TEX9: variants seen among roughly 807,000 people sequenced by gnomAD.
TEX9 encodes testis-expressed protein 9.
A neutral mutation model predicts 59.6 loss-of-function variants in TEX9; 74 were observed. The ratio of observed to expected loss-of-function variants is 1.24; its 90% CI spans 1.03 to 1.51. The LOEUF (loss-of-function observed/expected upper bound fraction) is 1.51, where lower values mean the gene tolerates loss of function less well. Among genes scored for constraint, TEX9 ranks in the 40% most tolerant of loss-of-function variants. The pLI is 0.00. For synonymous variants in TEX9, 186 were observed against 152.2 expected (o/e 1.22, Z -1.64); for missense variants, 522 against 447.8 (o/e 1.17, Z -1.49).
At chr15:56,320,723 C>T (rs1457144079) in intron 1 of TEX9, among the ~76,000 whole-genome samples, 1 of 152,146 alleles carries the variant, frequency 6.6e-6, no homozygotes, top group Non-Finnish European at 1.5e-5. Flanking sequence ...TATGATTTGT[C>T]ATCAGAATGG....
intron 1 of TEX9, among the ~76,000 whole-genome samples, chr15:56,300,708 GGAGAGAGAGA>G (rs60361737): frequency 9.5e-4 from 98 of 102,724 alleles, no homozygotes; most frequent in South Asian, 1.4e-3. Context: ...AGAGAGAGAG[GGAGAGAGAGA>G]GAGAGAGAGA....
chr15:56,302,173 G>A (rs78119807), intron 1 of TEX9, among the ~76,000 whole-genome samples: 3,462 of 152,120 alleles, frequency 0.023, 45 homozygotes, highest in Non-Finnish European at 0.036. Context: ...TTTCCAAGCC[G>A]CATGGTAACT....
chr15:56,419,269 T>C (rs953465071), intron 10 of TEX9, among the ~76,000 whole-genome samples: 2 of 151,900 alleles, frequency 1.3e-5, no homozygotes, highest in Non-Finnish European at 2.9e-5. Context: ...AACTCACTTA[T>C]TCTAGAAGCC....
intron 10 of TEX9, among the ~76,000 whole-genome samples, chr15:56,415,883 C>T (rs1373787475): frequency 4.6e-5 from 7 of 151,378 alleles, no homozygotes; most frequent in Non-Finnish European, 1.0e-4. Context: ...TGTTTTTTCC[C>T]GTTGTGTTTT....
At chr15:56,408,181 A>C (rs1449610438) in intron 9 of TEX9, among the ~76,000 whole-genome samples, 3 of 152,094 alleles carry the variant, frequency 2.0e-5, no homozygotes, top group African/African-American at 7.2e-5. Flanking sequence ...CTCATGTGCC[A>C]TTTTCTCCTG....
chr15:56,328,970 G>T (rs1454893763), intron 1 of TEX9, among the ~76,000 whole-genome samples: 1 of 152,058 alleles, frequency 6.6e-6, no homozygotes, highest in East Asian at 1.9e-4. Flanking sequence ...ATGGCCCTTG[G>T]GCGAGATCGA....
chr15:56,294,666 A>G (rs928335104), intron 1 of TEX9, among the ~76,000 whole-genome samples: 1 of 152,192 alleles, frequency 6.6e-6, no homozygotes, highest in Admixed American at 6.5e-5. Context: ...ATATTACCTC[A>G]TTCCTTGGCT....
rs1567143117 is a variant in TEX9 at position 56,428,350 on chromosome 15, G to T, written c.1099-17G>T. On this transcript the variant is annotated splice_polypyrimidine_tract_variant and intron_variant, in intron 11 of 12. Coordinates refer to ENST00000352903, the Ensembl canonical transcript of TEX9. ...TCTTAATACTAAATCAGACAATATT[G>T]ATTTTTTTTTTAACAGATGCATATT... is the stretch of plus-strand genomic sequence containing the variant. The T allele has an allele frequency of 3.2e-6, 5 of 1,585,414 alleles. No homozygotes were observed. Among genetic ancestry groups the T allele is most frequent in the Non-Finnish European group, 4.3e-6 (5 of 1,156,230 alleles).
At chr15:56,262,888 G>GT (rs2044298109) in intron 1 of TEX9, among the ~76,000 whole-genome samples, 1 of 152,260 alleles carries the variant, frequency 6.6e-6, no homozygotes, top group African/African-American at 2.4e-5. Context: ...TGGCCTTAAA[G>GT]TTTACTTTGT....
chr15:56,263,760 C>G lies in TEX9; in HGVS notation c.-107+19482C>G, dbSNP rs1248499002. Among the ~76,000 whole-genome samples, 4 of 152,282 alleles carry G rather than the reference C, an allele frequency of 2.6e-5. No homozygotes were observed. The East Asian group carries it at 7.7e-4, about 29-fold the overall frequency. ...AACTACTGACCTCTTTTCTATCCCT[C>G]TAGTTTTACCTTTATAAAATATCAT... On this transcript the variant is annotated intron_variant, in intron 1 of 5. Coordinates refer to the TEX9 transcript ENST00000560827.
At chr15:56,303,839 C>T (rs2045417158) in intron 1 of TEX9, among the ~76,000 whole-genome samples, 1 of 152,050 alleles carries the variant, frequency 6.6e-6, no homozygotes, top group Non-Finnish European at 1.5e-5. Flanking sequence ...CACAGAAATT[C>T]AAAGGATCAT....
intron 12 of TEX9, among the ~76,000 whole-genome samples, chr15:56,441,532 T>C (rs1480371028): frequency 5.9e-5 from 9 of 152,270 alleles, no homozygotes; most frequent in African/African-American, 1.9e-4. Context: ...CAAAAAGCAA[T>C]TGTAACAAAA....
chr15:56,360,841 T>A (rs1232276432), upstream of TEX9, among the ~76,000 whole-genome samples: 3 of 152,190 alleles, frequency 2.0e-5, no homozygotes, highest in African/African-American at 7.2e-5. Flanking sequence ...ACCTTTATAC[T>A]CCGGGGCCCT....
chr15:56,445,380 T>C (rs900650923), intron 12 of TEX9, among the ~76,000 whole-genome samples: 1 of 152,072 alleles, frequency 6.6e-6, no homozygotes, highest in Non-Finnish European at 1.5e-5. Flanking sequence ...TGAAATATAC[T>C]GAGGCAATTT....
In TEX9 at chr15:56,377,120, G is replaced by A. The variant is rs189328209; in HGVS notation, c.183+3616G>A. 1.1e-3 allele frequency among the ~76,000 whole-genome samples: 164 copies of A among 152,196 alleles called. 1 individual carries two copies. The highest frequency in any genetic ancestry group is 1.6e-3 in the Non-Finnish European group (109 of 68,004). On this transcript the variant is annotated intron_variant, in intron 3 of 12. Transcript: ENST00000352903. ...TTCTGTTCCATTGGTCTGTGTGTCT[G>A]TTTTTATGCCAGTACTCAGATGTTT...
intron 1 of TEX9, among the ~76,000 whole-genome samples, chr15:56,294,566 C>T (rs1253087397): frequency 6.6e-6 from 1 of 152,168 alleles, no homozygotes; most frequent in Non-Finnish European, 1.5e-5. Context: ...TCTTTGTTAA[C>T]AGAAATAATA....
At chr15:56,433,462 T>C (rs1285700396) in intron 12 of TEX9, among the ~76,000 whole-genome samples, 1 of 152,112 alleles carries the variant, frequency 6.6e-6, no homozygotes, top group Non-Finnish European at 1.5e-5. Flanking sequence ...GACAGTATTA[T>C]TTATTAGGGG....
intron 1 of TEX9, among the ~76,000 whole-genome samples, chr15:56,264,455 G>A (rs577973036): frequency 2.0e-4 from 30 of 152,216 alleles, no homozygotes; most frequent in African/African-American, 7.0e-4. Context: ...TGAGTTTTTA[G>A]AATGTTCTAT....
chr15:56,329,896 A>G (rs577328689), intron 1 of TEX9, among the ~76,000 whole-genome samples: 1 of 152,164 alleles, frequency 6.6e-6, no homozygotes, highest in Non-Finnish European at 1.5e-5. Context: ...AACCTAGAGA[A>G]TATTATTAAT....
Sources: allele counts gnomAD v4.1 joint callset (sites outside exome capture counted in the v4.1 genomes callset), GRCh38; gene constraint gnomAD v4.1.1; transcripts MANE v1.5; gene names NCBI Gene and HGNC (gene_info 2026-07-23, HGNC 2026-07-21).